Variants in UVRAG observed in about 807,000 individuals in gnomAD.
UVRAG encodes UV radiation resistance associated, also known as UV radiation resistance-associated gene protein.
In UVRAG, 19 loss-of-function variants were observed where a neutral mutation model predicts 78.0. That is an observed-to-expected ratio of 0.24 (90% CI 0.17 to 0.36). The LOEUF (loss-of-function observed/expected upper bound fraction) is 0.36. Among genes scored for constraint, UVRAG ranks in the 10% least tolerant of loss-of-function variants. The probability of loss-of-function intolerance (pLI) is 1.00; values close to 1 mark genes in which losing one functional copy is unlikely to be tolerated. For missense variants in UVRAG, 740 were observed against 853.8 expected (o/e 0.87, Z 1.66); for synonymous variants, 323 against 324.6 (o/e 1.00, Z 0.05).
Position 76,034,546 on chromosome 11 carries a change from A to C in UVRAG, c.1226+17566A>C, listed in dbSNP as rs868137247. Among the ~76,000 whole-genome samples the C allele has an allele frequency of 1.1e-4, 17 of 152,242 alleles. No individual in the cohort carries two copies. In the South Asian group the frequency reaches 3.3e-3, roughly 30 times the overall value. On this transcript the variant is annotated intron_variant, in intron 12 of 14. Transcript: ENST00000356136. The stretch of plus-strand genomic sequence containing the variant: ...TTTAAAGGCTACTTTTTAAAAGTCT[A>C]GGATATATGTTTCTCTGTACCTAGC...
chr11:76,064,262 A>G (rs1951146034), intron 12 of UVRAG, among the ~76,000 whole-genome samples: 1 of 152,244 alleles, frequency 6.6e-6, no homozygotes, highest in Admixed American at 6.5e-5. Context: ...TTTGAAGCTT[A>G]TAGAATAACA....
chr11:76,007,658 G>A (rs757999216), intron 10 of UVRAG, 37 bp downstream of exon 10: 3 of 1,523,912 alleles, frequency 2.0e-6, no homozygotes, highest in Non-Finnish European at 2.7e-6. Flanking sequence ...TTTTCGTTTT[G>A]AAAAGATGAT....
At chr11:75,983,996 A>C (rs993188727) in intron 8 of UVRAG, among the ~76,000 whole-genome samples, 18 of 152,158 alleles carry the variant, frequency 1.2e-4, no homozygotes, top group African/African-American at 4.3e-4. Context: ...TAGTCCATAG[A>C]GACAAGTGTA....
chr11:75,818,471 C>G (rs1252794616), intron 1 of UVRAG, among the ~76,000 whole-genome samples: 1 of 151,044 alleles, frequency 6.6e-6, no homozygotes, highest in African/African-American at 2.4e-5. Flanking sequence ...TACTAGTTGG[C>G]AAGGTATCAA....
At chr11:75,846,008 G>A (rs890841529) in intron 1 of UVRAG, among the ~76,000 whole-genome samples, 3 of 152,074 alleles carry the variant, frequency 2.0e-5, no homozygotes, top group South Asian at 2.1e-4. Flanking sequence ...TAATTACTCC[G>A]AATGTTTTTA....
intron 1 of UVRAG, among the ~76,000 whole-genome samples, chr11:75,850,690 A>G (rs1452283805): frequency 1.3e-5 from 2 of 152,240 alleles, no homozygotes; most frequent in Non-Finnish European, 2.9e-5. Flanking sequence ...GAAAGGGCTA[A>G]TGAAAAGTGT....
chr11:76,006,618 G>A (rs1334056006), intron 9 of UVRAG, among the ~76,000 whole-genome samples: 1 of 116,322 alleles, frequency 8.6e-6, no homozygotes, highest in Non-Finnish European at 1.6e-5. Flanking sequence ...CCAAGATTGT[G>A]CCACTGTACT....
At chr11:75,817,246 G>A (rs1945279166) in intron 1 of UVRAG, among the ~76,000 whole-genome samples, 1 of 152,154 alleles carries the variant, frequency 6.6e-6, no homozygotes, top group Non-Finnish European at 1.5e-5. Context: ...GGAGTTCAGG[G>A]GCCAAGAAGG....
chr11:75,842,134 G>A (rs1042110831), intron 1 of UVRAG, among the ~76,000 whole-genome samples: 1 of 152,116 alleles, frequency 6.6e-6, no homozygotes, highest in Non-Finnish European at 1.5e-5. Flanking sequence ...AGGACCAGGT[G>A]GAAGCCATGT....
At chr11:76,090,589 G>A (rs540462320) in intron 13 of UVRAG, among the ~76,000 whole-genome samples, 13 of 152,188 alleles carry the variant, frequency 8.5e-5, no homozygotes, top group South Asian at 2.1e-4. Flanking sequence ...TTGACCTACC[G>A]TTATAGGTTT....
In UVRAG at chr11:76,006,660, C is replaced by CAAA. The variant is rs762221601; in HGVS notation, c.912-850_912-848dup. On this transcript the variant is annotated intron_variant, in intron 9 of 14. Transcript: ENST00000356136. The stretch of plus-strand genomic sequence containing the variant: ...TGAGTGTTAAAGTGAGACCCCGTCT[C>CAAA]AAAAAAAAAAAAAAAAAAAAAAAAA... 5.9e-3 allele frequency among the ~76,000 whole-genome samples: 364 copies of CAAA among 61,356 alleles called. 26 individuals carry two copies. The highest frequency in any genetic ancestry group is 0.017 in the Middle Eastern group (1 of 58). The allele number at this position is 61,356 out of a possible 152,430, so 40.3% of individuals were successfully genotyped here. A position where few individuals can be genotyped will look rare whatever the true frequency, so the allele number is the denominator to read the frequency against.
chr11:76,125,038 A>T (rs1423576956), intron 14 of UVRAG, among the ~76,000 whole-genome samples: 1 of 152,012 alleles, frequency 6.6e-6, no homozygotes, highest in Non-Finnish European at 1.5e-5. Context: ...AAACAGATCT[A>T]CTCTCTTCCT....
intron 1 of UVRAG, among the ~76,000 whole-genome samples, chr11:75,830,937 G>A (rs376369462): frequency 1.3e-5 from 2 of 152,132 alleles, no homozygotes; most frequent in African/African-American, 4.8e-5. Flanking sequence ...TATTTTCTAC[G>A]TGCCTAAACT....
At chr11:75,969,597 C>A (rs1267297507) in intron 7 of UVRAG, among the ~76,000 whole-genome samples, 1 of 151,968 alleles carries the variant, frequency 6.6e-6, no homozygotes. Context: ...TAGGAATATT[C>A]TATGAAAGGC....
chr11:76,099,235 A>G (rs942104506), intron 13 of UVRAG, among the ~76,000 whole-genome samples: 1 of 152,228 alleles, frequency 6.6e-6, no homozygotes, highest in African/African-American at 2.4e-5. Context: ...GGCATTTAAC[A>G]GTAAGTAAAA....
At chr11:76,069,363 T>G (rs1197175825) in intron 13 of UVRAG, among the ~76,000 whole-genome samples, 1 of 152,202 alleles carries the variant, frequency 6.6e-6, no homozygotes, top group African/African-American at 2.4e-5. Context: ...CAGCACCATA[T>G]ATTAATATTT....
chr11:75,823,426 T>C (rs1049627312), intron 1 of UVRAG, among the ~76,000 whole-genome samples: 3 of 152,234 alleles, frequency 2.0e-5, no homozygotes, highest in Non-Finnish European at 4.4e-5. Flanking sequence ...CTCTAACTCC[T>C]GGACTCAAAT....
chr11:76,127,857 T>C (rs1042815326), intron 14 of UVRAG, among the ~76,000 whole-genome samples: 2 of 151,416 alleles, frequency 1.3e-5, no homozygotes, highest in Middle Eastern at 3.2e-3. Flanking sequence ...CTTGGGAGGC[T>C]GAGGCACAAG....
chr11:75,818,911 A>G (rs1945325218), intron 1 of UVRAG, among the ~76,000 whole-genome samples: 1 of 152,176 alleles, frequency 6.6e-6, no homozygotes, highest in Non-Finnish European at 1.5e-5. Flanking sequence ...GACTGTTGAC[A>G]TTTTGGAGTG....
Sources: gnomAD v4.1 joint callset for allele counts (sites outside exome capture counted in the v4.1 genomes callset) on GRCh38, gnomAD v4.1.1 for gene constraint, MANE v1.5 for transcripts, NCBI Gene and HGNC (gene_info 2026-07-23, HGNC 2026-07-21) for gene names.